ABCC9: variants seen among roughly 807,000 people sequenced by gnomAD.
ABCC9 encodes the protein ATP-binding cassette sub-family C member 9.
In ABCC9, 95 loss-of-function variants were observed where a neutral mutation model predicts 188.3. The ratio of observed to expected loss-of-function variants is 0.50; its 90% confidence interval spans 0.43 to 0.60. The LOEUF is 0.60. Among genes scored for constraint, ABCC9 ranks in the 20% least tolerant of loss-of-function variants. ABCC9 has a pLI of 0.00. For missense variants in ABCC9, 1,102 were observed against 1,876.3 expected (o/e 0.59, Z 7.62); for synonymous variants, 659 against 652.7 (o/e 1.01, Z -0.15).
Position 21,801,015 on chromosome 12 carries a change from A to G in ABCC9, c.*29T>C. 6.2e-7 allele frequency: 1 copy of G among 1,613,040 alleles called. No homozygotes were observed. The highest frequency in any genetic ancestry group is 2.2e-5 in the East Asian group (1 of 44,844). ...AATTAGGTTATGACTGCATTATTTTAAATACATGTATTGTTTTAAGACACT... is the reference window on the plus strand; with the variant it reads ...AATTAGGTTATGACTGCATTATTTTGAATACATGTATTGTTTTAAGACACT... On this transcript the variant is annotated 3_prime_UTR_variant, in exon 40 of 40. Coordinates refer to ENST00000261200, the MANE Select transcript of ABCC9 (RefSeq NM_020297.4).
chr12:21,935,242 A>AT (rs893793214), intron 3 of ABCC9, among the ~76,000 whole-genome samples: 5 of 152,264 alleles, frequency 3.3e-5, no homozygotes, highest in African/African-American at 1.2e-4. Flanking sequence ...TAAAAAATCC[A>AT]TTTTTCTACT....
intron 12 of ABCC9, among the ~76,000 whole-genome samples, chr12:21,902,054 A>T (rs914453261): frequency 2.0e-5 from 3 of 152,236 alleles, no homozygotes; most frequent in South Asian, 4.1e-4. Flanking sequence ...GAAGTAAAGC[A>T]CTCCTCAGCA....
chr12:21,916,879 A>ACTAATT, intron 6 of ABCC9, 58 bp downstream of exon 6: 4 of 1,477,144 alleles, frequency 2.7e-6, no homozygotes, highest in Non-Finnish European at 3.7e-6. Context: ...GCTAACTGTA[A>ACTAATT]TCTTTCATAT....
chr12:21,866,104 T>C (rs995289357), intron 18 of ABCC9, among the ~76,000 whole-genome samples: 1 of 150,178 alleles, frequency 6.7e-6, no homozygotes, highest in Non-Finnish European at 1.5e-5. Flanking sequence ...AAAATATGTA[T>C]TAGAAGGCCA....
chr12:21,892,789 A>G (rs377225046), intron 14 of ABCC9, among the ~76,000 whole-genome samples: 26 of 152,340 alleles, frequency 1.7e-4, no homozygotes, highest in African/African-American at 6.3e-4. Flanking sequence ...CTATTGGCTT[A>G]AAACTGAAGA....
intron 12 of ABCC9, among the ~76,000 whole-genome samples, chr12:21,897,806 T>A (rs1947497896): frequency 6.6e-6 from 1 of 151,964 alleles, no homozygotes; most frequent in Non-Finnish European, 1.5e-5. Context: ...CCTCATGACT[T>A]CTTACTGCTC....
intron 31 of ABCC9, among the ~76,000 whole-genome samples, chr12:21,819,910 G>A (rs139283903): frequency 4.6e-3 from 706 of 152,192 alleles, no homozygotes; most frequent in African/African-American, 0.016. Context: ...CTCTTCTGAT[G>A]TATCCTTTTG....
chr12:21,928,796 T>C (rs1054353515), intron 4 of ABCC9, among the ~76,000 whole-genome samples: 3 of 152,206 alleles, frequency 2.0e-5, no homozygotes, highest in Admixed American at 1.3e-4. Flanking sequence ...AGTATTTTTA[T>C]AGGATTGCTG....
rs376587222 is a variant in ABCC9, at chr12:21,908,073, T to G, written c.1455+4A>C. 3.2e-5 allele frequency: 52 copies of G among 1,611,994 alleles called. No homozygotes were observed. The highest frequency in any genetic ancestry group is 6.7e-5 in the Admixed American group (4 of 59,778). ...TAATTAAGTTTCCAAAAGATGTTACTTACAAGTGTACTTTTCTGAGCCTCT... is the reference window on the plus strand; with the variant it reads ...TAATTAAGTTTCCAAAAGATGTTACGTACAAGTGTACTTTTCTGAGCCTCT... On this transcript the variant is annotated splice_donor_region_variant and intron_variant, in intron 11 of 39. Transcript: ENST00000261200.
chr12:21,836,865 A>C (rs1592029844), intron 30 of ABCC9, among the ~76,000 whole-genome samples: 1 of 152,168 alleles, frequency 6.6e-6, no homozygotes, highest in Admixed American at 6.6e-5. Flanking sequence ...GATTTAAAAT[A>C]CTCAGATAAA....
chr12:21,886,597 A>G (rs1371480702), intron 15 of ABCC9, among the ~76,000 whole-genome samples: 4 of 152,190 alleles, frequency 2.6e-5, no homozygotes, highest in Non-Finnish European at 4.4e-5. Flanking sequence ...AAACAACAAC[A>G]TAATCTTTTA....
chr12:21,896,789 A>G (rs1947452765), intron 12 of ABCC9, among the ~76,000 whole-genome samples: 1 of 152,180 alleles, frequency 6.6e-6, no homozygotes. Flanking sequence ...TCCATGGTGT[A>G]TATACCACAT....
intron 9 of ABCC9, among the ~76,000 whole-genome samples, chr12:21,910,520 T>C (rs1458439031): frequency 6.6e-6 from 1 of 151,936 alleles, no homozygotes; most frequent in Non-Finnish European, 1.5e-5. Context: ...ACAGACTTCC[T>C]TTTTTCTAGT....
chr12:21,833,612 C>T (rs1017283833), intron 30 of ABCC9, among the ~76,000 whole-genome samples: 1 of 152,136 alleles, frequency 6.6e-6, no homozygotes, highest in African/African-American at 2.4e-5. Context: ...CCATCCCTCT[C>T]AGAAGATGAC....
chr12:21,924,260 A>T (rs376586598), intron 5 of ABCC9: 1 of 156,514 alleles, frequency 6.4e-6, no homozygotes, highest in Admixed American at 6.5e-5. Flanking sequence ...GGTAAAGTAT[A>T]CTAATGTCTA....
chr12:21,906,025 AAGAACT>A (rs1405030307), intron 12 of ABCC9, 95 bp downstream of exon 12: 1 of 1,331,388 alleles, frequency 7.5e-7, no homozygotes, highest in Non-Finnish European at 1.1e-6. Context: ...GGTGTCCTTG[AAGAACT>A]AGAATGTTTC....
At chr12:21,879,637 A>T (rs117806904) in intron 16 of ABCC9, among the ~76,000 whole-genome samples, 2,944 of 151,166 alleles carry the variant, frequency 0.019, 33 homozygotes, top group Non-Finnish European at 0.027. Flanking sequence ...TTTTTTTTTT[A>T]AATTTAAAGG....
Position 21,888,444 on chromosome 12 carries a change from C to T in ABCC9, c.1803-510G>A, listed in dbSNP as rs143027226. On this transcript the variant is annotated intron_variant, in intron 14 of 39. Transcript: ENST00000261200. Reference sequence around the variant, plus strand: ...CTGTGTATCTTGCTTAAGCACTATGCATGATTCACATTTTCTGAACCTGGC... The same window carrying T: ...CTGTGTATCTTGCTTAAGCACTATGTATGATTCACATTTTCTGAACCTGGC... 1.5e-3 allele frequency among the ~76,000 whole-genome samples: 232 copies of T among 152,214 alleles called. 1 individual carries two copies. Among genetic ancestry groups the T allele is most frequent in the African/African-American group, 5.5e-3 (227 of 41,538 alleles).
At chr12:21,857,907 G>A (rs1488912109) in intron 22 of ABCC9, among the ~76,000 whole-genome samples, 2 of 152,066 alleles carry the variant, frequency 1.3e-5, no homozygotes, top group Non-Finnish European at 2.9e-5. Flanking sequence ...ACCAATTATG[G>A]CAATTTTTTA....
Sources: allele counts gnomAD v4.1 joint callset (sites outside exome capture counted in the v4.1 genomes callset), GRCh38; gene constraint gnomAD v4.1.1; transcripts MANE v1.5; gene names NCBI Gene and HGNC (gene_info 2026-07-23, HGNC 2026-07-21).